The following PRKG1 variants were observed in gnomAD, a reference collection of about 807,000 sequenced individuals.
PRKG1 encodes protein kinase cGMP-dependent 1, also known as cGMP-dependent protein kinase 1.
PRKG1 carries 35 observed loss-of-function variants against 88.1 expected under a neutral mutation model. The ratio of observed to expected loss-of-function variants is 0.40; its 90% confidence interval spans 0.30 to 0.53. PRKG1 has a LOEUF of 0.53. Among genes scored for constraint, PRKG1 ranks in the 20% least tolerant of loss-of-function variants. The pLI, the probability that PRKG1 is intolerant of heterozygous loss-of-function variation, is 0.59. For missense variants in PRKG1, 540 were observed against 839.8 expected (o/e 0.64, Z 4.41); for synonymous variants, 303 against 292.5 (o/e 1.04, Z -0.37).
At chr10:52,078,039 G>T (rs1384847747) in intron 7 of PRKG1, among the ~76,000 whole-genome samples, 1 of 152,142 alleles carries the variant, frequency 6.6e-6, no homozygotes, top group African/African-American at 2.4e-5. Context: ...CTGTCTACTC[G>T]ACGACATCGT....
intron 2 of PRKG1, among the ~76,000 whole-genome samples, chr10:51,173,444 G>GT (rs1305775161): frequency 1.3e-4 from 17 of 130,414 alleles, no homozygotes; most frequent in African/African-American, 2.6e-4. Context: ...GTGTGTGTGT[G>GT]GTGTGTGTAA....
chr10:51,898,405 G>A (rs1283430124), intron 4 of PRKG1, among the ~76,000 whole-genome samples: 2 of 152,004 alleles, frequency 1.3e-5, no homozygotes, highest in Non-Finnish European at 2.9e-5. Flanking sequence ...TTTCCTTGAT[G>A]AATAAGCTGA....
At chr10:51,168,332 T>C (rs1475473823) in intron 2 of PRKG1, among the ~76,000 whole-genome samples, 10 of 152,130 alleles carry the variant, frequency 6.6e-5, no homozygotes, top group African/African-American at 2.4e-4. Context: ...AAGCTAGACA[T>C]CAATTAGATT....
At chr10:51,229,909 A>G (rs55719874) in intron 2 of PRKG1, among the ~76,000 whole-genome samples, 4,638 of 143,768 alleles carry the variant, frequency 0.032, 98 homozygotes, top group Non-Finnish European at 0.053. Context: ...AGCCTGGGTT[A>G]CAGGGTGAGG....
chr10:51,464,667 G>A (rs927266426), intron 2 of PRKG1, among the ~76,000 whole-genome samples: 17 of 151,826 alleles, frequency 1.1e-4, no homozygotes, highest in South Asian at 4.2e-4. Context: ...CGAGGCGGGC[G>A]GATCACGAGG....
chr10:51,215,720 C>T (rs1324661773), intron 2 of PRKG1, among the ~76,000 whole-genome samples: 2 of 152,178 alleles, frequency 1.3e-5, no homozygotes, highest in Non-Finnish European at 2.9e-5. Context: ...TCCCTTCCAC[C>T]TTCCACTTCT....
chr10:51,866,035 T>A (rs11592904), intron 4 of PRKG1, among the ~76,000 whole-genome samples: 28,321 of 151,906 alleles, frequency 0.19, 3,236 homozygotes, highest in East Asian at 0.46. Context: ...ACATGATCAT[T>A]CAAGTGTGAG....
intron 3 of PRKG1, among the ~76,000 whole-genome samples, chr10:51,759,844 G>A (rs1757476477): frequency 6.6e-6 from 1 of 152,020 alleles, no homozygotes; most frequent in African/African-American, 2.4e-5. Context: ...ATTAGCTTTT[G>A]TCACTGAATA....
At chr10:51,929,275 A>G (rs1842639138) in intron 5 of PRKG1, among the ~76,000 whole-genome samples, 1 of 152,020 alleles carries the variant, frequency 6.6e-6, no homozygotes, top group Admixed American at 6.6e-5. Flanking sequence ...TGTTAAAAGG[A>G]AAGACTTTCT....
chr10:51,246,638 T>A (rs1293315536), intron 2 of PRKG1, among the ~76,000 whole-genome samples: 6 of 151,964 alleles, frequency 3.9e-5, no homozygotes, highest in African/African-American at 9.7e-5. Context: ...ATGAGGTGAT[T>A]TATCTATCAT....
intron 2 of PRKG1, among the ~76,000 whole-genome samples, chr10:51,462,817 G>T (rs1326443593): frequency 6.6e-6 from 1 of 152,062 alleles, no homozygotes; most frequent in African/African-American, 2.4e-5. Flanking sequence ...CAATTTAGTA[G>T]AATTCAAATT....
chr10:51,176,434 C>A (rs1417671367), intron 2 of PRKG1, among the ~76,000 whole-genome samples: 1 of 152,034 alleles, frequency 6.6e-6, no homozygotes, highest in East Asian at 1.9e-4. Context: ...AGGCACCATG[C>A]TAGATGCTTA....
At chr10:52,046,295 C>G (rs1845861356) in intron 5 of PRKG1, among the ~76,000 whole-genome samples, 1 of 152,074 alleles carries the variant, frequency 6.6e-6, no homozygotes, top group Non-Finnish European at 1.5e-5. Context: ...AGTACATGCA[C>G]TCATCATCTG....
At chr10:51,956,999 CTCTT>C (rs1342333345) in intron 5 of PRKG1, among the ~76,000 whole-genome samples, 7 of 150,200 alleles carry the variant, frequency 4.7e-5, no homozygotes, top group Non-Finnish European at 8.9e-5. Context: ...TTTCCTCTTT[CTCTT>C]TCTTTCTCTC....
intron 3 of PRKG1, among the ~76,000 whole-genome samples, chr10:51,590,662 C>T (rs1047175614): frequency 6.6e-6 from 1 of 152,140 alleles, no homozygotes; most frequent in Non-Finnish European, 1.5e-5. Flanking sequence ...TAATACTGCT[C>T]AGCCATTGTG....
At chr10:51,092,488 T>G (rs1844422598) in intron 1 of PRKG1, among the ~76,000 whole-genome samples, 1 of 152,204 alleles carries the variant, frequency 6.6e-6, no homozygotes, top group Non-Finnish European at 1.5e-5. Context: ...TTTAGGTGGC[T>G]GAAGCTAACT....
intron 4 of PRKG1, among the ~76,000 whole-genome samples, chr10:51,825,260 A>G (rs1157938345): frequency 6.6e-6 from 1 of 152,176 alleles, no homozygotes; most frequent in African/African-American, 2.4e-5. Context: ...CCAACTAAGT[A>G]TTTTTAGATT....
At chr10:52,139,228 T>C (rs1416998744) in intron 8 of PRKG1, among the ~76,000 whole-genome samples, 2 of 152,106 alleles carry the variant, frequency 1.3e-5, no homozygotes, top group Admixed American at 6.6e-5. Context: ...GAAAACTGAA[T>C]ATATGTATAG....
intron 2 of PRKG1, among the ~76,000 whole-genome samples, chr10:51,422,524 A>G (rs1214261831): frequency 1.3e-5 from 2 of 152,182 alleles, no homozygotes; most frequent in African/African-American, 2.4e-5. Flanking sequence ...CACAGGGCAG[A>G]GTGAATTTGG....
Sources: allele counts gnomAD v4.1 joint callset (sites outside exome capture counted in the v4.1 genomes callset), GRCh38; gene constraint gnomAD v4.1.1; transcripts MANE v1.5; gene names NCBI Gene and HGNC (gene_info 2026-07-23, HGNC 2026-07-21).